The following ACACA variants were observed in gnomAD, a reference collection of about 807,000 sequenced individuals.
ACACA encodes acetyl-CoA carboxylase 1.
ACACA carries 103 observed loss-of-function variants against 296.1 expected under a neutral mutation model. The ratio of observed to expected loss-of-function variants is 0.35; its 90% confidence interval spans 0.30 to 0.41. The LOEUF (loss-of-function observed/expected upper bound fraction) is 0.41. ACACA is among the 10% of genes least tolerant of loss of function. The pLI, the probability that ACACA is intolerant of heterozygous loss-of-function variation, is 1.00. For synonymous variants in ACACA, 953 were observed against 1,038.6 expected, an observed-to-expected ratio of 0.92 and a Z score of 1.58; for missense variants, 1,554 against 2,989.7, an observed-to-expected ratio of 0.52 and a Z score of 11.20.
chr17:37,298,853 C>A (rs568482362), intron 3 of ACACA, among the ~76,000 whole-genome samples: 5 of 152,192 alleles, frequency 3.3e-5, no homozygotes, highest in Admixed American at 6.5e-5. Context: ...CAGCAGGCAC[C>A]TTTCCTAGCC....
intron 45 of ACACA, among the ~76,000 whole-genome samples, chr17:37,148,819 C>T (rs779568271): frequency 5.3e-5 from 8 of 151,966 alleles, no homozygotes; most frequent in Non-Finnish European, 7.4e-5. Context: ...CCTCCTGTTT[C>T]GGCCTCCTGA....
intron 52 of ACACA, 25 bp downstream of exon 52, chr17:37,111,506 T>C (rs1313638333): frequency 5.7e-6 from 9 of 1,566,618 alleles, no homozygotes; most frequent in Non-Finnish European, 7.9e-6. Context: ...GCTCATTGAT[T>C]TGCCAGAAGG....
intron 1 of ACACA, among the ~76,000 whole-genome samples, chr17:37,405,812 A>C (rs1029588209): frequency 2.0e-5 from 3 of 150,782 alleles, no homozygotes; most frequent in African/African-American, 7.3e-5. Flanking sequence ...TCGGCCTGCC[A>C]AAGTGCTGGA....
At chr17:37,236,735 G>C (rs1028394406) in intron 24 of ACACA, among the ~76,000 whole-genome samples, 1 of 152,128 alleles carries the variant, frequency 6.6e-6, no homozygotes, top group Admixed American at 6.5e-5. Context: ...TGAGGCAGAA[G>C]AATTGCTTGA....
chr17:37,362,998 A>T (rs997303650), intron 1 of ACACA, among the ~76,000 whole-genome samples: 1 of 136,234 alleles, frequency 7.3e-6, no homozygotes, highest in Non-Finnish European at 1.6e-5. Flanking sequence ...AAACAAAACC[A>T]CCAGGGTGCT....
chr17:37,166,318 T>C (rs1005647968), intron 41 of ACACA, among the ~76,000 whole-genome samples: 2 of 151,810 alleles, frequency 1.3e-5, no homozygotes, highest in African/African-American at 4.8e-5. Context: ...TTTTTATTTT[T>C]TGTAGAGATG....
At position 37,381,835 on chromosome 17, in the gene ACACA, G is replaced by A. The variant is rs183873340; in HGVS notation, c.38+24427C>T. ...GTAGAGATGGGGTTTCACCGTGTTGGCCAGGATGGTCTCGATCGCCTGACC... is the reference window on the plus strand; with the variant it reads ...GTAGAGATGGGGTTTCACCGTGTTGACCAGGATGGTCTCGATCGCCTGACC... On this transcript the variant is annotated intron_variant, in intron 1 of 55. Transcript: ENST00000616317. Among the ~76,000 whole-genome samples, 218 of 151,640 alleles carry A rather than the reference G, an allele frequency of 1.4e-3. 3 individuals are homozygous for A. The highest frequency in any genetic ancestry group is 4.8e-3 in the African/African-American group (199 of 41,262).
At chr17:37,152,021 T>C (rs4795174) in intron 43 of ACACA, among the ~76,000 whole-genome samples, 19,750 of 151,720 alleles carry the variant, frequency 0.13, 1,884 homozygotes, top group East Asian at 0.45. Flanking sequence ...GGTCTCGATC[T>C]CTTGACCTTG....
intron 24 of ACACA, among the ~76,000 whole-genome samples, chr17:37,236,970 C>T (rs747851391): frequency 1.1e-4 from 17 of 152,076 alleles, no homozygotes; most frequent in Non-Finnish European, 2.1e-4. Flanking sequence ...TTTAATAGAA[C>T]ATCTCTAGTA....
chr17:37,228,079 C>T (rs1307381230), intron 25 of ACACA, among the ~76,000 whole-genome samples: 2 of 151,904 alleles, frequency 1.3e-5, no homozygotes, highest in African/African-American at 4.8e-5. Flanking sequence ...AGACCTTTAT[C>T]ACAGAAGTAT....
chr17:37,183,512 G>A (rs931503965), intron 39 of ACACA, among the ~76,000 whole-genome samples: 1 of 152,140 alleles, frequency 6.6e-6, no homozygotes, highest in Non-Finnish European at 1.5e-5. Flanking sequence ...TCCATCAACA[G>A]GTTATCTTGG....
Position 37,224,998 on chromosome 17 carries a change from G to T in ACACA, c.3468C>A (p.Asn1156Lys). ...DMYGHQFCIE[N>K]LQKLILSETS... The stretch of plus-strand genomic sequence containing the variant: ...TATATATATATATATATACCTGCAG[G>T]TTCTCAATGCAAAATTGATGTCCAT... Residue 1156 changes from asparagine (N) to lysine (K), a missense_variant, in exon 27 of 56, where the codon AAC becomes AAA. Physicochemically the swap from Asn to Lys is moderately conservative, Grantham distance 94 (BLOSUM62 0). Around this residue, in one of 16 missense-constraint regions of ACACA, gnomAD observed 42 missense variants for 147.5 expected, o/e 0.28. Coordinates refer to ENST00000616317, the MANE Select transcript of ACACA (RefSeq NM_198834.3). 1.3e-6 allele frequency: 2 copies of T among 1,516,350 alleles called. No homozygotes were observed. Among genetic ancestry groups the T allele is most frequent in the Non-Finnish European group, 1.8e-6 (2 of 1,093,806 alleles). The allele number at this position is 1,516,350 out of a possible 1,614,324, so 93.9% of individuals were successfully genotyped here. A position where few individuals can be genotyped will look rare whatever the true frequency, so the allele number is the denominator to read the frequency against.
chr17:37,231,461 G>A (rs901527447), intron 25 of ACACA, among the ~76,000 whole-genome samples: 10 of 152,288 alleles, frequency 6.6e-5, no homozygotes, highest in African/African-American at 2.2e-4. Context: ...CATAGGGTAA[G>A]TTTAACAATT....
At chr17:37,389,180 G>C in intron 1 of ACACA, 1 of 1,523,094 alleles carries the variant, frequency 6.6e-7, no homozygotes, top group Non-Finnish European at 8.9e-7. Flanking sequence ...CCCAACAAGA[G>C]GTTTGGAAGA....
intron 33 of ACACA, among the ~76,000 whole-genome samples, chr17:37,202,479 A>G (rs886547023): frequency 6.6e-6 from 1 of 151,910 alleles, no homozygotes; most frequent in Admixed American, 6.6e-5. Context: ...CTATGAGAGA[A>G]AAAAAGACAT....
chr17:37,330,218 T>A lies in ACACA; in HGVS notation c.293A>T (p.Asp98Val). ...PASVGSDTLSDLGISSLQDGL... is the reference protein window; with the variant it reads ...PASVGSDTLSVLGISSLQDGL... ...ATCCTGTAGGCTAGAGATCCCCAAA[T>A]CAGAGAGTGTATCTGAGCCAACAGA... is the stretch of plus-strand genomic sequence containing the variant. Residue 98 changes from aspartate (D) to valine (V), a missense_variant, in exon 3 of 56, where the codon GAT (aspartate) becomes GTT (valine). Asp to Val is a radical substitution (Grantham distance 152). This residue lies in a region of ACACA where 140 missense variants were observed against 147.7 expected (regional missense o/e 0.95). Transcript: ENST00000616317. The A allele has an allele frequency of 6.2e-7, 1 of 1,614,166 alleles. No homozygotes were observed. The highest frequency in any genetic ancestry group is 1.1e-5 in the South Asian group (1 of 91,082).
chr17:37,355,440 G>A (rs1014169414), intron 1 of ACACA, among the ~76,000 whole-genome samples: 4 of 145,812 alleles, frequency 2.7e-5, no homozygotes, highest in African/African-American at 7.6e-5. Flanking sequence ...CCTGTAATCC[G>A]AGCTACACGG....
chr17:37,141,108 G>A (rs1012697767), intron 45 of ACACA: 4 of 456,132 alleles, frequency 8.8e-6, no homozygotes, highest in Non-Finnish European at 4.3e-6. Flanking sequence ...CAAACATCTT[G>A]AACCTGATGT....
chr17:37,111,794 A>C, intron 51 of ACACA, 151 bp from the exon 52 acceptor site: 1 of 689,734 alleles, frequency 1.4e-6, no homozygotes, highest in South Asian at 1.6e-5. Context: ...CCCCGGGGAG[A>C]ACAGTAGGCA....
Sources: gnomAD v4.1 joint callset for allele counts (sites outside exome capture counted in the v4.1 genomes callset) on GRCh38, gnomAD v4.1.1 for gene constraint, gnomAD v4.1.1 regional missense constraint, MANE v1.5 for transcripts, NCBI Gene and HGNC (gene_info 2026-07-23, HGNC 2026-07-21) for gene names.